Variants in CPLX2 observed in about 807,000 individuals in gnomAD.
CPLX2 encodes the protein complexin-2.
CPLX2 carries 5 observed loss-of-function variants against 16.3 expected under a neutral mutation model. That is an observed-to-expected ratio of 0.31 (90% CI 0.16 to 0.64). The LOEUF is 0.64. CPLX2 is among the 30% of genes least tolerant of loss of function. The pLI is 0.79. For missense variants in CPLX2, 144 were observed against 181.4 expected, an observed-to-expected ratio of 0.79 and a Z score of 1.18; for synonymous variants, 89 against 73.2, an observed-to-expected ratio of 1.22 and a Z score of -1.10.
intron 1 of CPLX2, among the ~76,000 whole-genome samples, chr5:175,807,854 G>A (rs13163087): frequency 0.16 from 24,085 of 152,258 alleles, 2,276 homozygotes; most frequent in Middle Eastern, 0.29. Context: ...GGAGGTAACG[G>A]TGCCTGGAGT....
rs1351274975 is a variant in CPLX2, at chr5:175,882,135, G to A, written c.*2090G>A. 6.9e-6 allele frequency: 1 copy of A among 144,686 alleles called. No homozygotes were observed. The highest frequency in any genetic ancestry group is 2.0e-4 in the East Asian group (1 of 4,920). 9.0% of individuals were successfully genotyped at this position (144,686 alleles called of 1,614,324 possible). On this transcript the variant is annotated 3_prime_UTR_variant, in exon 4 of 4. Coordinates refer to ENST00000393745, the MANE Select transcript of CPLX2 (RefSeq NM_001008220.2). ...CCTCCCCGCACCCCGCCCCCACCTT[G>A]TGCCCCTGTGTCCAGCCCCCCAGGG...
chr5:175,863,680 T>C (rs778059754), intron 2 of CPLX2, among the ~76,000 whole-genome samples: 2 of 152,206 alleles, frequency 1.3e-5, no homozygotes, highest in Non-Finnish European at 2.9e-5. Context: ...TTTGTTTTAT[T>C]TTGTTTTTTT....
At chr5:175,847,026 T>C (rs1397731959) in intron 2 of CPLX2, among the ~76,000 whole-genome samples, 1 of 152,054 alleles carries the variant, frequency 6.6e-6, no homozygotes, top group Non-Finnish European at 1.5e-5. Flanking sequence ...TTAGGAGGCG[T>C]TGAGATGAAT....
At chr5:175,832,514 TG>T (rs2113658875) in intron 2 of CPLX2, among the ~76,000 whole-genome samples, 1 of 152,330 alleles carries the variant, frequency 6.6e-6, no homozygotes, top group Non-Finnish European at 1.5e-5. Flanking sequence ...GCTGTTCTTT[TG>T]CCTATAATTG....
intron 2 of CPLX2, among the ~76,000 whole-genome samples, chr5:175,857,714 C>CA: frequency 6.6e-6 from 1 of 152,084 alleles, no homozygotes; most frequent in Non-Finnish European, 1.5e-5. Context: ...ACTACAAACT[C>CA]AAAAAAATCA....
chr5:175,844,249 C>T lies in CPLX2; in HGVS notation c.-88-34403C>T, dbSNP rs550461998. Among the ~76,000 whole-genome samples the T allele has an allele frequency of 3.3e-5, 5 of 152,316 alleles. No homozygotes were observed. In the East Asian group the frequency reaches 9.6e-4, roughly 29 times the overall value. On this transcript the variant is annotated intron_variant, in intron 2 of 4. Transcript: ENST00000359546. Reference sequence around the variant, plus strand: ...GCCTGGCAGTTTTGAATGTTAGCAGCGGGATGGAGACAGGGGCTCATTCCC... The same window carrying T: ...GCCTGGCAGTTTTGAATGTTAGCAGTGGGATGGAGACAGGGGCTCATTCCC...
rs143185593 is a variant in CPLX2, at chr5:175,848,962, A to T, written c.-88-29690A>T. Among the ~76,000 whole-genome samples the T allele has an allele frequency of 2.0e-3, 298 of 152,206 alleles. 3 individuals are homozygous for T. The highest frequency in any genetic ancestry group is 7.0e-3 in the African/African-American group (292 of 41,534). ...AGAAGGAAAGGAGGGCATAGAGGAG[A>T]CGGCTCAGTTTGCATGGGCTTCAGA... On this transcript the variant is annotated intron_variant, in intron 2 of 4. Transcript: ENST00000359546.
At chr5:175,820,708 A>C (rs1758490628) in intron 2 of CPLX2, among the ~76,000 whole-genome samples, 1 of 150,180 alleles carries the variant, frequency 6.7e-6, no homozygotes, top group Non-Finnish European at 1.5e-5. Context: ...CTGTCCTTCC[A>C]CTCCTTAATC....
chr5:175,807,316 G>A (rs747524541), intron 1 of CPLX2, among the ~76,000 whole-genome samples: 18 of 152,164 alleles, frequency 1.2e-4, no homozygotes, highest in South Asian at 1.0e-3. Flanking sequence ...GCCAGATGAC[G>A]CGCTAGCTGT....
At chr5:175,810,098 GGGGCCTC>G (rs1389565471) in intron 2 of CPLX2, among the ~76,000 whole-genome samples, 4 of 152,206 alleles carry the variant, frequency 2.6e-5, no homozygotes, top group Non-Finnish European at 5.9e-5. Context: ...AGGTGGGAGG[GGGGCCTC>G]CCATCACAGG....
chr5:175,851,971 A>G (rs553531012), intron 2 of CPLX2, among the ~76,000 whole-genome samples: 2 of 152,308 alleles, frequency 1.3e-5, no homozygotes, highest in African/African-American at 4.8e-5. Context: ...CTATTTCTGC[A>G]CCGTGTTTCT....
At chr5:175,822,324 C>T (rs1758526086) in intron 2 of CPLX2, among the ~76,000 whole-genome samples, 1 of 152,154 alleles carries the variant, frequency 6.6e-6, no homozygotes, top group South Asian at 2.1e-4. Context: ...TCCAAGGTGC[C>T]CTGGTAGACC....
chr5:175,878,054 A>G (rs1314303539), intron 1 of CPLX2, among the ~76,000 whole-genome samples: 1 of 152,244 alleles, frequency 6.6e-6, no homozygotes, highest in African/African-American at 2.4e-5. Flanking sequence ...CAATAAAAAT[A>G]ACGTATTTTC....
chr5:175,824,210 C>T (rs564273867), intron 2 of CPLX2, among the ~76,000 whole-genome samples: 14 of 152,324 alleles, frequency 9.2e-5, no homozygotes, highest in South Asian at 6.2e-4. Context: ...AAACATGCTG[C>T]ATTTAAGTCA....
chr5:175,869,769 T>C (rs1759550044), upstream of CPLX2, among the ~76,000 whole-genome samples: 1 of 152,212 alleles, frequency 6.6e-6, no homozygotes, highest in Non-Finnish European at 1.5e-5. Flanking sequence ...CTTCTCGAGC[T>C]TGACATACTC....
chr5:175,805,978 C>T (rs1758192187), intron 1 of CPLX2, among the ~76,000 whole-genome samples: 1 of 152,188 alleles, frequency 6.6e-6, no homozygotes, highest in Non-Finnish European at 1.5e-5. Flanking sequence ...ATCTTTGCCA[C>T]CCCAAGCCAC....
intron 2 of CPLX2, among the ~76,000 whole-genome samples, chr5:175,827,836 A>T (rs185467148): frequency 2.0e-5 from 3 of 152,280 alleles, no homozygotes; most frequent in Non-Finnish European, 4.4e-5. Context: ...TTTACAAAAA[A>T]ACCAACTGCA....
chr5:175,839,928 G>T (rs1758916794), intron 2 of CPLX2, among the ~76,000 whole-genome samples: 1 of 152,112 alleles, frequency 6.6e-6, no homozygotes. Flanking sequence ...GCATTTTAAA[G>T]AAGTTTCTAG....
At chr5:175,852,701 C>T (rs1759181131) in intron 2 of CPLX2, among the ~76,000 whole-genome samples, 1 of 152,216 alleles carries the variant, frequency 6.6e-6, no homozygotes, top group Non-Finnish European at 1.5e-5. Flanking sequence ...CATCCAGCAA[C>T]CATGCAGAAA....
Sources: gnomAD v4.1 joint callset for allele counts (sites outside exome capture counted in the v4.1 genomes callset) on GRCh38, gnomAD v4.1.1 for gene constraint, MANE v1.5 for transcripts, NCBI Gene and HGNC (gene_info 2026-07-23, HGNC 2026-07-21) for gene names.